Variants in TTN observed in about 807,000 individuals in gnomAD.
TTN encodes titin.
A neutral mutation model predicts 3,223.0 loss-of-function variants in TTN; 1,525 were observed. The observed-to-expected ratio is 0.47, with a 90% CI of 0.45 to 0.49. The LOEUF is 0.49. Among genes scored for constraint, TTN ranks in the 20% least tolerant of loss-of-function variants. The pLI is 0.00. For synonymous variants in TTN, 14,094 were observed against 15,161.0 expected (o/e 0.93, Z 5.17); for missense variants, 40,786 against 43,424.0 (o/e 0.94, Z 5.40).
Position 178,572,606 on chromosome 2 carries a change from G to T in TTN, c.73526C>A (p.Ser24509Tyr). The change falls in exon 326 of 363, where the codon TCT becomes TAT. Residue 24509 changes from serine to tyrosine, a missense_variant. By Grantham distance (144) the Ser-to-Tyr change is moderately radical. Transcript: ENST00000589042. ...LTVENSSGSKSAFVNVRVLDT... is the reference protein window; with the variant it reads ...LTVENSSGSKYAFVNVRVLDT... The stretch of plus-strand genomic sequence containing the variant: ...GAGAACTCTAACATTGACAAATGCA[G>T]ACTTGCTGCCTGAACTATTTTCTAC... 1 of 1,613,332 alleles carries T rather than the reference G, an allele frequency of 6.2e-7. No individual in the cohort carries two copies. The highest frequency in any genetic ancestry group is 8.5e-7 in the Non-Finnish European group (1 of 1,179,546).
rs757243379 is a variant in TTN at position 178,569,376 on chromosome 2, T to C, written c.76756A>G (p.Ser25586Gly). 5.0e-6 allele frequency: 8 copies of C among 1,613,446 alleles called. No homozygotes were observed. Among genetic ancestry groups the C allele is most frequent in the Non-Finnish European group, 6.8e-6 (8 of 1,179,568 alleles). ...ACAAAGGCAGACTTTGTTCCACTGC[T>C]GTTTTCTAATGTAAGCGTATATTTT... ...SGKYTLTLEN[S>G]SGTKSAFVTV... The change falls in exon 326 of 363, where the codon AGC becomes GGC. Residue 25586 changes from serine to glycine, a missense_variant. Physicochemically the swap from Ser to Gly is moderately conservative, Grantham distance 56. Coordinates refer to ENST00000589042, the MANE Select transcript of TTN (RefSeq NM_001267550.2).
At chr2:178,732,776 G>C in intron 55 of TTN, 58 bp from the exon 56 acceptor site, 1 of 1,565,084 alleles carries the variant, frequency 6.4e-7, no homozygotes, top group Non-Finnish European at 8.6e-7. Flanking sequence ...TCTAAGGGAA[G>C]ATGACTTAAT....
intron 231 of TTN, 46 bp downstream of exon 231, chr2:178,633,771 C>T (rs765434350): frequency 1.1e-5 from 18 of 1,607,938 alleles, no homozygotes; most frequent in Non-Finnish European, 1.4e-5. Flanking sequence ...CTCCCCACTC[C>T]CATGATTCAG....
chr2:178,561,033 T>A lies in TTN; in HGVS notation c.85099A>T (p.Ile28367Phe). The change falls in exon 326 of 363, where the codon ATT becomes TTT. Residue 28367 changes from isoleucine to phenylalanine, a missense_variant. By Grantham distance (21) the Ile-to-Phe change is conservative. Coordinates refer to ENST00000589042, the MANE Select transcript of TTN (RefSeq NM_001267550.2). ...VMMDVKFRDV[I>F]VVKAGEVLKI... The stretch of plus-strand genomic sequence containing the variant: ...AGGACCTCTCCAGCTTTGACAACAA[T>A]AACGTCTCGGAACTTGACATCCATC... 6.2e-7 allele frequency: 1 copy of A among 1,613,880 alleles called. No individual in the cohort carries two copies. Among genetic ancestry groups the A allele is most frequent in the Non-Finnish European group, 8.5e-7 (1 of 1,179,804 alleles).
chr2:178,610,434 G>T, intron 270 of TTN, 45 bp from the exon 271 acceptor site: 1 of 1,590,490 alleles, frequency 6.3e-7, no homozygotes, highest in Non-Finnish European at 8.6e-7. Context: ...TGAAAAATCA[G>T]CATTTTAATA....
rs373850060 is a variant in TTN, at chr2:178,739,498, A to G, written c.13735T>C (p.Ser4579Pro). 3.7e-6 allele frequency: 6 copies of G among 1,613,260 alleles called. No homozygotes were observed. In the African/African-American group the frequency reaches 4.0e-5, roughly 11 times the overall value. The change falls in exon 48 of 363, where the codon TCT becomes CCT. Residue 4579 changes from serine (S) to proline (P), a missense_variant. Physicochemically the swap from Ser to Pro is moderately conservative, Grantham distance 74 (BLOSUM62 -1). Transcript: ENST00000589042. ...SLKPSEEKEE[S>P]SSESGTEEVA... The stretch of plus-strand genomic sequence containing the variant: ...TCCTCAGTACCACTTTCAGAGGAAG[A>G]CTCCTCTTTTTCCTCTGATGGTTTC...
In TTN at chr2:178,552,140, C is replaced by A. The variant is rs1060500495; in HGVS notation, c.90760G>T (p.Gly30254Ter). Residue 30254 changes from glycine (G) to a stop codon, truncating the protein, a stop_gained, in exon 335 of 363, where the codon GGA (glycine) becomes TGA (stop). Coordinates refer to ENST00000589042, the MANE Select transcript of TTN (RefSeq NM_001267550.2). LOFTEE classifies it high-confidence loss of function. ...ATGCTGTAACAAGTAATTTCTCCTC[C>A]TCCATTATCTTCAGGTACATCCCAT... Reference protein sequence around the residue: ...LSWDVPEDNGGGEITCYSIEK... With the variant: ...LSWDVPEDNG The A allele has an allele frequency of 6.2e-7, 1 of 1,613,782 alleles. No homozygotes were observed. Among genetic ancestry groups the A allele is most frequent in the Admixed American group, 1.7e-5 (1 of 59,978 alleles).
At chr2:178,545,779 A>C in intron 343 of TTN, 41 bp downstream of exon 343, 4 of 1,601,466 alleles carry the variant, frequency 2.5e-6, no homozygotes, top group Non-Finnish European at 3.4e-6. Context: ...TGATTCTATT[A>C]CATTTCAACT....
At position 178,800,493 on chromosome 2, in the gene TTN, A is replaced by C. The variant is rs145438758; in HGVS notation, c.485T>G (p.Leu162Arg). 2.5e-6 allele frequency: 4 copies of C among 1,614,058 alleles called. No individual in the cohort carries two copies. In the African/African-American group the frequency reaches 5.3e-5, roughly 22 times the overall value. ...ISQEGDLYSL[L>R]IAEAYPEDSG... ...GTCCTCAGGGTATGCTTCTGCAATC[A>C]GTAAGCTGTAGAGGTCGCCTTCTTG... The change falls in exon 4 of 363, where the codon CTG becomes CGG. Residue 162 changes from leucine to arginine, a missense_variant. Transcript: ENST00000589042.
intron 219 of TTN, among the ~76,000 whole-genome samples, 166 bp downstream of exon 219, chr2:178,642,071 A>G (rs1159161066): frequency 6.6e-6 from 1 of 151,778 alleles, no homozygotes; most frequent in Non-Finnish European, 1.5e-5. Flanking sequence ...TTAAAAAAAA[A>G]GATCTGGAAA....
Position 178,771,335 on chromosome 2 carries a change from G to A in TTN, c.7992C>T (p.Asn2664=). Residue 2664 remains asparagine (N), a synonymous_variant, in exon 34 of 363, where the codon AAC becomes AAT. Transcript: ENST00000589042. ...TGTGGCCATCAGACTCACTTCTGAT[G>A]TTGTTAGTCAGTGGTAGGTGTTTGC... ...RDGKHLPLTN[N]IRSESDGHKR... The A allele has an allele frequency of 1.2e-6, 2 of 1,614,094 alleles. No individual in the cohort carries two copies. Among genetic ancestry groups the A allele is most frequent in the Non-Finnish European group, 1.7e-6 (2 of 1,180,004 alleles).
At chr2:178,748,940 T>A in intron 47 of TTN, 1 of 1,612,508 alleles carries the variant, frequency 6.2e-7, no homozygotes, top group Non-Finnish European at 8.5e-7. Context: ...AATCTTCTTT[T>A]GAGGAGGATT....
Position 178,616,868 on chromosome 2 carries a change from G to A in TTN, c.48021C>T (p.Asp16007=), listed in dbSNP as rs368404578. Residue 16007 remains aspartate (D), a synonymous_variant, in exon 256 of 363, where the codon GAC becomes GAT. Transcript: ENST00000589042. ...CFGDKVLETG[D]RVKMKTLSAY... is the part of the protein sequence containing the mutation. ...CAGACAAGGTCTTCATTTTCACCCGGTCCCCTGTTTCTAGTACTTTATCTC... is the reference window on the plus strand; with the variant it reads ...CAGACAAGGTCTTCATTTTCACCCGATCCCCTGTTTCTAGTACTTTATCTC... 3.5e-5 allele frequency: 56 copies of A among 1,612,516 alleles called. No homozygotes were observed. Among genetic ancestry groups the A allele is most frequent in the Non-Finnish European group, 4.6e-5 (54 of 1,179,174 alleles).
At position 178,664,840 on chromosome 2, in the gene TTN, G is replaced by A. The variant is rs2065617688; in HGVS notation, c.36118+12C>T. 6.2e-7 allele frequency: 1 copy of A among 1,611,234 alleles called. No homozygotes were observed. Among genetic ancestry groups the A allele is most frequent in the Non-Finnish European group, 8.5e-7 (1 of 1,179,320 alleles). ...AGCTAGTTCTTGACCCTGAGAGCAT[G>A]GTGACTTGTACCTTTAACTGATGGG... On this transcript the variant is annotated intron_variant, in intron 166 of 362. Transcript: ENST00000589042.
intron 47 of TTN, chr2:178,750,575 C>A (rs1322437214): frequency 6.2e-6 from 10 of 1,612,386 alleles, no homozygotes; most frequent in Non-Finnish European, 8.5e-6. Flanking sequence ...TGAAGGTGGG[C>A]AACGTTGTGG....
chr2:178,779,943 A>G, intron 22 of TTN, 57 bp downstream of exon 22: 1 of 1,563,158 alleles, frequency 6.4e-7, no homozygotes, highest in Non-Finnish European at 8.8e-7. Context: ...ATATCAAATA[A>G]AAAAAGGAAA....
Position 178,621,492 on chromosome 2 carries a change from C to T in TTN, c.45332G>A (p.Gly15111Asp), listed in dbSNP as rs1411341160. ...NCRLPSSRTD[G>D]KVKVHELAAE... ...TTTCATACCATGTACTTTGACTTTGCCATCGGTTCGAGAGCTTGGGAGTCG... is the reference window on the plus strand; with the variant it reads ...TTTCATACCATGTACTTTGACTTTGTCATCGGTTCGAGAGCTTGGGAGTCG... Residue 15111 changes from glycine (G) to aspartate (D), a missense_variant, in exon 245 of 363, where the codon GGC (glycine) becomes GAC (aspartate). Physicochemically the swap from Gly to Asp is moderately conservative, Grantham distance 94. Coordinates refer to ENST00000589042, the MANE Select transcript of TTN (RefSeq NM_001267550.2). 1 of 1,612,144 alleles carries T rather than the reference C, an allele frequency of 6.2e-7. No homozygotes were observed. Among genetic ancestry groups the T allele is most frequent in the Non-Finnish European group, 8.5e-7 (1 of 1,179,052 alleles).
chr2:178,561,940 A>G lies in TTN; in HGVS notation c.84192T>C (p.Ile28064=), dbSNP rs754411096. The change falls in exon 326 of 363, where the codon ATT becomes ATC. Residue 28064 remains isoleucine (I), a synonymous_variant. Transcript: ENST00000589042. ...DRPGPPGPIR[I]DEVSCDSITI... Reference sequence around the variant, plus strand: ...TTATGCTGTCACAACTAACCTCATCAATACGTATAGGACCTGGAGGTCCTG... The same window carrying G: ...TTATGCTGTCACAACTAACCTCATCGATACGTATAGGACCTGGAGGTCCTG... 17 of 1,613,354 alleles carry G rather than the reference A, an allele frequency of 1.1e-5. No homozygotes were observed. The highest frequency in any genetic ancestry group is 8.5e-7 in the Non-Finnish European group (1 of 1,179,672).
intron 130 of TTN, 50 bp from the exon 131 acceptor site, chr2:178,684,799 A>C: frequency 6.3e-7 from 1 of 1,577,306 alleles, no homozygotes. Flanking sequence ...GGAAAACACT[A>C]AACACAGGCA....
Sources: allele counts gnomAD v4.1 joint callset (sites outside exome capture counted in the v4.1 genomes callset), GRCh38; gene constraint gnomAD v4.1.1; transcripts MANE v1.5; gene names NCBI Gene and HGNC (gene_info 2026-07-23, HGNC 2026-07-21).